The following CDH12 variants were observed in gnomAD, a reference collection of about 807,000 sequenced individuals.
CDH12 encodes the protein cadherin-12.
CDH12 carries 41 observed loss-of-function variants against 74.1 expected under a neutral mutation model. That is an observed-to-expected ratio of 0.55 (90% CI 0.43 to 0.72). The LOEUF (loss-of-function observed/expected upper bound fraction) is 0.72, where lower values mean the gene tolerates loss of function less well. CDH12 is among the 30% of genes least tolerant of loss of function. The probability of loss-of-function intolerance (pLI) is 0.00; values close to 1 mark genes in which losing one functional copy is unlikely to be tolerated. For missense variants in CDH12, 945 were observed against 977.2 expected (o/e 0.97, Z 0.44); for synonymous variants, 399 against 355.0 (o/e 1.12, Z -1.39).
chr5:22,636,296 C>T (rs1281152724), intron 1 of CDH12, among the ~76,000 whole-genome samples: 3 of 152,062 alleles, frequency 2.0e-5, no homozygotes, highest in Non-Finnish European at 4.4e-5. Context: ...TATCATATAA[C>T]CAATTATTTT....
At chr5:22,444,244 G>GCA (rs1006783994) in intron 2 of CDH12, among the ~76,000 whole-genome samples, 2 of 151,672 alleles carry the variant, frequency 1.3e-5, no homozygotes, top group African/African-American at 2.4e-5. Context: ...GAATATACAT[G>GCA]CACACACACA....
At chr5:22,530,593 C>T (rs1737544426) in intron 1 of CDH12, among the ~76,000 whole-genome samples, 1 of 151,870 alleles carries the variant, frequency 6.6e-6, no homozygotes, top group South Asian at 2.1e-4. Context: ...CTTGAACTTT[C>T]CAGAAATGAC....
intron 1 of CDH12, among the ~76,000 whole-genome samples, chr5:22,542,884 TAAATAGGC>T (rs1738167622): frequency 6.6e-6 from 1 of 152,144 alleles, no homozygotes; most frequent in Non-Finnish European, 1.5e-5. Flanking sequence ...CAGTCACATT[TAAATAGGC>T]AAATAGTAAT....
chr5:22,512,303 G>A (rs1483206797), intron 1 of CDH12, among the ~76,000 whole-genome samples: 1 of 152,168 alleles, frequency 6.6e-6, no homozygotes, highest in Non-Finnish European at 1.5e-5. Flanking sequence ...CACTTGCTTT[G>A]TGTTCTTCTA....
At position 22,078,527 on chromosome 5, in the gene CDH12, T is replaced by C. The variant is rs1394388309; in HGVS notation, c.150A>G (p.Gln50=). Residue 50 remains glutamine, a synonymous_variant, in exon 5 of 15, where the codon CAA becomes CAG. Coordinates refer to ENST00000382254, the MANE Select transcript of CDH12 (RefSeq NM_004061.5). ...TCCATACCCAGCCACGTTTAACACG[T>C]TGGAAATGTGACCGTTGTCCTGGCA... The part of the protein sequence containing the change: ...IHLPGQRSHF[Q]RVKRGWVWNQ... 5.6e-6 allele frequency: 9 copies of C among 1,613,822 alleles called. No homozygotes were observed. The highest frequency in any genetic ancestry group is 1.7e-5 in the Admixed American group (1 of 59,980).
At chr5:22,692,327 C>T (rs1202654929) in intron 1 of CDH12, among the ~76,000 whole-genome samples, 2 of 152,124 alleles carry the variant, frequency 1.3e-5, no homozygotes, top group Non-Finnish European at 2.9e-5. Context: ...ATTATCCAGC[C>T]TCGGGTATTC....
chr5:22,205,303 A>G (rs1016705554), intron 4 of CDH12, among the ~76,000 whole-genome samples: 2 of 152,148 alleles, frequency 1.3e-5, no homozygotes, highest in Non-Finnish European at 2.9e-5. Flanking sequence ...AAGAAACAAA[A>G]AGCCTGCCTT....
At chr5:22,417,296 GAGTT>G (rs1743439157) in intron 2 of CDH12, among the ~76,000 whole-genome samples, 1 of 152,230 alleles carries the variant, frequency 6.6e-6, no homozygotes, top group African/African-American at 2.4e-5. Flanking sequence ...ACAGGGTTGA[GAGTT>G]AGGACCTTCA....
intron 1 of CDH12, among the ~76,000 whole-genome samples, chr5:22,617,296 C>T (rs968403630): frequency 5.3e-5 from 8 of 151,996 alleles, no homozygotes; most frequent in African/African-American, 1.9e-4. Flanking sequence ...ATGGAATTGG[C>T]CTGCACCTTG....
chr5:21,798,843 G>T (rs1746947228), intron 10 of CDH12, among the ~76,000 whole-genome samples: 1 of 152,158 alleles, frequency 6.6e-6, no homozygotes, highest in Non-Finnish European at 1.5e-5. Context: ...ACGGTAATTT[G>T]TTATAGCAGC....
intron 1 of CDH12, among the ~76,000 whole-genome samples, chr5:22,807,980 T>C (rs1193401040): frequency 6.6e-6 from 1 of 152,230 alleles, no homozygotes; most frequent in African/African-American, 2.4e-5. Context: ...AAAGTAATTG[T>C]GCTATGACAT....
intron 6 of CDH12, among the ~76,000 whole-genome samples, chr5:21,857,231 C>T (rs1750802602): frequency 6.6e-6 from 1 of 151,724 alleles, no homozygotes; most frequent in East Asian, 1.9e-4. Context: ...TTTAATGTGC[C>T]ACAAGGAAAT....
At chr5:22,499,020 C>T (rs1747226727) in intron 2 of CDH12, among the ~76,000 whole-genome samples, 1 of 149,526 alleles carries the variant, frequency 6.7e-6, no homozygotes, top group Non-Finnish European at 1.5e-5. Flanking sequence ...TCTCCTGCCT[C>T]AGCCTCTCAA....
At chr5:21,776,831 C>G (rs1437180999) in intron 11 of CDH12, among the ~76,000 whole-genome samples, 1 of 152,148 alleles carries the variant, frequency 6.6e-6, no homozygotes. Context: ...CAAGACAGGA[C>G]CTGTGATGGC....
At chr5:22,362,291 A>T (rs915731590) in intron 3 of CDH12, among the ~76,000 whole-genome samples, 7 of 150,692 alleles carry the variant, frequency 4.6e-5, no homozygotes, top group Admixed American at 3.3e-4. Flanking sequence ...GACACTTCTC[A>T]AAAGAAGACA....
At chr5:22,348,940 C>T (rs984328434) in intron 3 of CDH12, among the ~76,000 whole-genome samples, 1 of 152,062 alleles carries the variant, frequency 6.6e-6, no homozygotes, top group Non-Finnish European at 1.5e-5. Flanking sequence ...ATGTTTGTGT[C>T]CCCCCAAAAT....
intron 5 of CDH12, among the ~76,000 whole-genome samples, chr5:22,057,507 T>C (rs976301584): frequency 1.3e-5 from 2 of 151,960 alleles, no homozygotes; most frequent in African/African-American, 4.8e-5. Flanking sequence ...AATATCAGAA[T>C]CTCTCTTCCC....
chr5:22,766,069 G>A (rs932513869), intron 1 of CDH12, among the ~76,000 whole-genome samples: 2 of 151,860 alleles, frequency 1.3e-5, no homozygotes, highest in Non-Finnish European at 2.9e-5. Context: ...TGAAAATCAT[G>A]AGGATACAAT....
At chr5:21,915,766 G>A (rs1754057094) in intron 6 of CDH12, among the ~76,000 whole-genome samples, 1 of 151,446 alleles carries the variant, frequency 6.6e-6, no homozygotes, top group South Asian at 2.1e-4. Context: ...GAGGAAGAAA[G>A]ACAAGTTACG....
Sources: allele counts gnomAD v4.1 joint callset (sites outside exome capture counted in the v4.1 genomes callset), GRCh38; gene constraint gnomAD v4.1.1; transcripts MANE v1.5; gene names NCBI Gene and HGNC (gene_info 2026-07-23, HGNC 2026-07-21).